The following RAB3B variants were observed in gnomAD, a reference collection of about 807,000 sequenced individuals.
The protein encoded by RAB3B is ras-related protein Rab-3B.
Under a neutral mutation model 20.5 loss-of-function variants are expected in RAB3B, and 11 were observed. The ratio of observed to expected loss-of-function variants is 0.54; its 90% confidence interval spans 0.34 to 0.89. The LOEUF (loss-of-function observed/expected upper bound fraction) is 0.89. Among genes scored for constraint, RAB3B ranks in the 40% least tolerant of loss-of-function variants. The pLI is 0.02. For synonymous variants in RAB3B, 99 were observed against 106.3 expected (o/e 0.93, Z 0.42); for missense variants, 225 against 280.9 (o/e 0.80, Z 1.42).
intron 2 of RAB3B, among the ~76,000 whole-genome samples, chr1:51,964,931 G>A (rs1684828448): frequency 1.3e-5 from 2 of 152,162 alleles, no homozygotes; most frequent in South Asian, 4.1e-4. Flanking sequence ...ATCCTGTTAA[G>A]TGTTAAGATG....
intron 2 of RAB3B, among the ~76,000 whole-genome samples, chr1:51,956,084 C>G (rs1176243821): frequency 6.6e-6 from 1 of 152,174 alleles, no homozygotes; most frequent in Non-Finnish European, 1.5e-5. Flanking sequence ...AGCTGTAAGG[C>G]TGGGAGGCAG....
chr1:51,922,635 CTT>C (rs1280821685), intron 4 of RAB3B, among the ~76,000 whole-genome samples: 1 of 151,782 alleles, frequency 6.6e-6, no homozygotes, highest in Non-Finnish European at 1.5e-5. Context: ...GGGGAAATCT[CTT>C]TGTCTTCATC....
intron 1 of RAB3B, among the ~76,000 whole-genome samples, chr1:51,986,876 C>T (rs941792899): frequency 6.6e-6 from 1 of 152,242 alleles, no homozygotes. Context: ...AGCATCCCAG[C>T]AGGCAGCTGC....
At chr1:51,962,252 A>G (rs1314206960) in intron 2 of RAB3B, among the ~76,000 whole-genome samples, 1 of 152,248 alleles carries the variant, frequency 6.6e-6, no homozygotes, top group Non-Finnish European at 1.5e-5. Flanking sequence ...CACTGAGCAC[A>G]GTGCTGGCAT....
chr1:51,954,919 T>C (rs1684687170), intron 2 of RAB3B, among the ~76,000 whole-genome samples: 1 of 152,228 alleles, frequency 6.6e-6, no homozygotes, highest in South Asian at 2.1e-4. Context: ...CACGGAGGTC[T>C]TGAATGCCAG....
chr1:51,920,163 G>A (rs1351557270), intron 4 of RAB3B, 49 bp from the exon 5 acceptor site: 5 of 1,529,122 alleles, frequency 3.3e-6, no homozygotes, highest in Non-Finnish European at 4.4e-6. Flanking sequence ...CCCTTCTGCT[G>A]GAACCCTTCT....
intron 3 of RAB3B, among the ~76,000 whole-genome samples, chr1:51,934,527 T>G (rs527625141): frequency 6.6e-6 from 1 of 152,148 alleles, no homozygotes; most frequent in South Asian, 2.1e-4. Flanking sequence ...ATCCCAGCAC[T>G]TTGTGAGGCC....
chr1:51,980,863 G>A, intron 1 of RAB3B: 1 of 651,584 alleles, frequency 1.5e-6, no homozygotes, highest in Non-Finnish European at 2.7e-6. Flanking sequence ...ATTTCCTGGA[G>A]AAAAATAAAA....
At chr1:51,984,263 TAAAAAAA>T (rs1166997647) in intron 1 of RAB3B, among the ~76,000 whole-genome samples, 13 of 20,674 alleles carry the variant, frequency 6.3e-4, no homozygotes, top group Admixed American at 1.1e-3. Flanking sequence ...ACTCTCTAAT[TAAAAAAA>T]AAAAAAAAAA....
intron 4 of RAB3B, among the ~76,000 whole-genome samples, chr1:51,921,690 C>G (rs191459206): frequency 7.9e-5 from 12 of 152,338 alleles, no homozygotes; most frequent in Admixed American, 6.5e-4. Context: ...ACAACAGTGT[C>G]TTCCTACCAA....
rs1557957978 is a variant in RAB3B, at chr1:51,912,557, ATATATATAT to A, written c.*7361_*7369del. 29 of 21,606 alleles carry A rather than the reference ATATATATAT, an allele frequency of 1.3e-3. 2 individuals carry two copies. Among genetic ancestry groups the A allele is most frequent in the South Asian group, 3.5e-3 (2 of 574 alleles). The allele number at this position is 21,606 out of a possible 1,614,324, so 1.3% of individuals were successfully genotyped here. ...CCGTCTCTATTAAAAAAAAAAAAAT[ATATATATAT>A]ATATATATATATATATATATATATA... On this transcript the variant is annotated 3_prime_UTR_variant, in exon 5 of 5. Coordinates refer to ENST00000371655, the MANE Select transcript of RAB3B (RefSeq NM_002867.4).
At chr1:51,937,094 G>A (rs1053059926) in intron 3 of RAB3B, among the ~76,000 whole-genome samples, 200 bp downstream of exon 3, 3 of 152,118 alleles carry the variant, frequency 2.0e-5, no homozygotes, top group Non-Finnish European at 2.9e-5. Context: ...GATTACAGGC[G>A]TGAGCCACTG....
At position 51,976,912 on chromosome 1, in the gene RAB3B, T is replaced by G; in HGVS notation, c.206A>C (p.Lys69Thr). 1 of 1,614,172 alleles carries G rather than the reference T, an allele frequency of 6.2e-7. No homozygotes were observed. Residue 69 changes from lysine (K) to threonine (T), a missense_variant, in exon 2 of 5, where the codon AAG becomes ACG. Physicochemically the swap from Lys to Thr is moderately conservative, Grantham distance 78. Coordinates refer to ENST00000371655, the MANE Select transcript of RAB3B (RefSeq NM_002867.4). ...FKVKTVYRHE[K>T]RVKLQIWDTA... ...CACCCAGATCTGCAGTTTCACCCGC[T>G]TCTCGTGACGGTAGACTGTCTTCAC...
rs59045347 is a variant in RAB3B at position 51,912,594 on chromosome 1, T to C, written c.*7333A>G. ...ATATATATATATATATATATATATA[T>C]ATATATAAAAAATGTTACTCCTGTG... On this transcript the variant is annotated 3_prime_UTR_variant, in exon 5 of 5. Transcript: ENST00000371655. 77 of 35,280 alleles carry C rather than the reference T, an allele frequency of 2.2e-3. 9 individuals carry two copies. Among genetic ancestry groups the C allele is most frequent in the African/African-American group, 7.5e-3 (75 of 9,994 alleles). 2.2% of individuals were successfully genotyped at this position (35,280 alleles called of 1,614,324 possible).
At chr1:51,965,265 G>A (rs144850866) in intron 2 of RAB3B, among the ~76,000 whole-genome samples, 44 of 151,910 alleles carry the variant, frequency 2.9e-4, no homozygotes, top group Non-Finnish European at 5.4e-4. Flanking sequence ...AAAGATGTAA[G>A]TCACTAAAAT....
chr1:51,971,194 C>T (rs1222979141), intron 2 of RAB3B, among the ~76,000 whole-genome samples: 1 of 150,966 alleles, frequency 6.6e-6, no homozygotes, highest in East Asian at 1.9e-4. Context: ...AAGACATTAA[C>T]TAGTCATAAA....
intron 2 of RAB3B, among the ~76,000 whole-genome samples, chr1:51,967,521 C>CTTTTTTTTTTCTTTTTT (rs1684871103): frequency 2.7e-5 from 1 of 36,496 alleles, no homozygotes; most frequent in African/African-American, 6.8e-5. Context: ...TTTTCTTTTT[C>CTTTTTTTTTTCTTTTTT]TTTTTTTTTT....
chr1:51,932,190 A>G (rs1684336291), intron 4 of RAB3B, among the ~76,000 whole-genome samples: 1 of 152,184 alleles, frequency 6.6e-6, no homozygotes, highest in Non-Finnish European at 1.5e-5. Context: ...TCACACTTGT[A>G]TTTTATACAG....
chr1:51,956,964 A>C (rs1207775830), intron 2 of RAB3B, among the ~76,000 whole-genome samples: 1 of 152,198 alleles, frequency 6.6e-6, no homozygotes, highest in Non-Finnish European at 1.5e-5. Context: ...CTTCTCTTCT[A>C]TCCTCTCTCC....
Sources: allele counts gnomAD v4.1 joint callset (sites outside exome capture counted in the v4.1 genomes callset), GRCh38; gene constraint gnomAD v4.1.1; transcripts MANE v1.5; gene names NCBI Gene and HGNC (gene_info 2026-07-23, HGNC 2026-07-21).